Variants in USP7 observed in about 807,000 individuals in gnomAD.
USP7 encodes ubiquitin C-terminal hydrolase 7.
Under a neutral mutation model 162.9 loss-of-function variants are expected in USP7, and 9 were observed. That is an observed-to-expected ratio of 0.06 (90% CI 0.03 to 0.10). The LOEUF is 0.10. Among genes scored for constraint, USP7 ranks in the 10% least tolerant of loss-of-function variants. The probability of loss-of-function intolerance (pLI) is 1.00; values close to 1 mark genes in which losing one functional copy is unlikely to be tolerated. For missense variants in USP7, 715 were observed against 1,373.7 expected, an observed-to-expected ratio of 0.52 and a Z score of 7.58; for synonymous variants, 562 against 475.9, an observed-to-expected ratio of 1.18 and a Z score of -2.35.
At position 8,950,108 on chromosome 16, in the gene USP7, A is replaced by C. The variant is rs191173439; in HGVS notation, c.79+13099T>G. Among the ~76,000 whole-genome samples, 61 of 152,344 alleles carry C rather than the reference A, an allele frequency of 4.0e-4. 1 individual carries two copies. The highest frequency in any genetic ancestry group is 2.2e-3 in the Admixed American group (33 of 15,302). On this transcript the variant is annotated intron_variant, in intron 1 of 30. Transcript: ENST00000344836. Reference sequence around the variant, plus strand: ...ATCTTATTCAATTTAATTTTATTTAAATAGCCACATGTACTTATTGAGCAC... The same window carrying C: ...ATCTTATTCAATTTAATTTTATTTACATAGCCACATGTACTTATTGAGCAC...
chr16:8,894,056 T>G lies in USP7; in HGVS notation c.3251A>C (p.Lys1084Thr). 6.2e-7 allele frequency: 1 copy of G among 1,614,132 alleles called. No homozygotes were observed. The highest frequency in any genetic ancestry group is 1.1e-5 in the South Asian group (1 of 91,074). ...AGTGTAGCGACTCCTCTTTGGGGCT[T>G]TGTTGAAGTGGTCGAGCCCTAGCCA... The part of the protein sequence containing the change: ...RPWLGLDHFN[K>T]APKRSRYTYL... The change falls in exon 31 of 31, where the codon AAA (lysine) becomes ACA (threonine). Residue 1084 changes from lysine to threonine, a missense_variant. By Grantham distance (78) the Lys-to-Thr change is moderately conservative. Transcript: ENST00000344836.
chr16:8,948,358 AT>A (rs1211097861), intron 1 of USP7, among the ~76,000 whole-genome samples: 1 of 151,912 alleles, frequency 6.6e-6, no homozygotes, highest in African/African-American at 2.4e-5. Flanking sequence ...AATTTTTGGC[AT>A]TTTTTTGTAG....
chr16:8,901,871 CACGTGGCTG>C, intron 18 of USP7: 1 of 578,838 alleles, frequency 1.7e-6, no homozygotes, highest in Non-Finnish European at 3.1e-6. Context: ...AGGACGGCCC[CACGTGGCTG>C]CTACTGTCTC....
intron 12 of USP7, 101 bp downstream of exon 12, chr16:8,908,240 G>T: frequency 1.1e-6 from 1 of 934,896 alleles, no homozygotes; most frequent in Non-Finnish European, 1.7e-6. Flanking sequence ...AAATAAATCA[G>T]ATGTGGGACT....
At chr16:8,906,186 A>G (rs1226943909) in intron 13 of USP7, among the ~76,000 whole-genome samples, 2 of 152,252 alleles carry the variant, frequency 1.3e-5, no homozygotes, top group African/African-American at 4.8e-5. Context: ...TATGACATAT[A>G]AGGGATTCTG....
chr16:8,936,695 T>C (rs1291165374), intron 1 of USP7: 1 of 1,481,950 alleles, frequency 6.7e-7, no homozygotes, highest in African/African-American at 1.4e-5. Context: ...ATAGAATCTC[T>C]AGGAGCTCTA....
At chr16:8,900,432 C>T (rs953008661) in intron 21 of USP7, 98 bp downstream of exon 21, 20 of 839,512 alleles carry the variant, frequency 2.4e-5, no homozygotes, top group Non-Finnish European at 3.3e-5. Context: ...AAAACAAAAA[C>T]GTGGCTCGGG....
intron 1 of USP7, among the ~76,000 whole-genome samples, chr16:8,938,542 C>A (rs948441987): frequency 6.6e-6 from 1 of 151,986 alleles, no homozygotes; most frequent in Admixed American, 6.6e-5. Context: ...GAAACGCCGT[C>A]TCTACTGAAA....
At chr16:8,904,963 C>A (rs2061837112) in intron 14 of USP7, among the ~76,000 whole-genome samples, 1 of 152,068 alleles carries the variant, frequency 6.6e-6, no homozygotes, top group African/African-American at 2.4e-5. Flanking sequence ...GAGCAAGACT[C>A]CGTCTCAAAA....
chr16:8,904,321 C>G, intron 15 of USP7, 114 bp downstream of exon 15: 2 of 1,532,822 alleles, frequency 1.3e-6, no homozygotes, highest in Non-Finnish European at 1.8e-6. Flanking sequence ...GATGGATGCC[C>G]TGCTGCATGG....
chr16:8,921,104 G>T, intron 4 of USP7, 53 bp downstream of exon 4: 6 of 1,557,688 alleles, frequency 3.9e-6, no homozygotes, highest in South Asian at 1.2e-5. Context: ...AAAGTTAAGG[G>T]AACAACAAGC....
chr16:8,922,950 T>C (rs945421957), intron 3 of USP7, among the ~76,000 whole-genome samples: 1 of 152,352 alleles, frequency 6.6e-6, no homozygotes, highest in Admixed American at 6.5e-5. Context: ...GAATTAAGCC[T>C]GGTGGCTCAA....
At chr16:8,932,480 A>C (rs1898417047) in intron 1 of USP7, among the ~76,000 whole-genome samples, 3 of 152,200 alleles carry the variant, frequency 2.0e-5, no homozygotes. Flanking sequence ...TCATGTCTTG[A>C]CAGAAATACT....
At chr16:8,950,225 G>A (rs1180235334) in intron 1 of USP7, among the ~76,000 whole-genome samples, 3 of 152,050 alleles carry the variant, frequency 2.0e-5, no homozygotes, top group Non-Finnish European at 2.9e-5. Flanking sequence ...AGTGGACAGC[G>A]AAGGTCTAGA....
At chr16:8,963,124 G>A (rs1900088130) in intron 1 of USP7, 83 bp downstream of exon 1, 1 of 1,235,540 alleles carries the variant, frequency 8.1e-7, no homozygotes, top group Non-Finnish European at 1.0e-6. Context: ...AAGATGGCGA[G>A]CCCCTCGCGT....
intron 2 of USP7, among the ~76,000 whole-genome samples, chr16:8,926,155 A>C (rs1897977410): frequency 6.0e-5 from 1 of 16,652 alleles, no homozygotes; most frequent in Non-Finnish European, 1.5e-4. Context: ...CTCCGTCTCA[A>C]AAAAAAAAAA....
intron 15 of USP7, among the ~76,000 whole-genome samples, chr16:8,904,025 G>A (rs2061820539): frequency 6.6e-6 from 1 of 152,204 alleles, no homozygotes; most frequent in East Asian, 1.9e-4. Context: ...AACCTGACGT[G>A]CACTTAATCA....
At chr16:8,928,772 CGGGTCCTATGGCGT>C (rs1320868593) in intron 2 of USP7, among the ~76,000 whole-genome samples, 1 of 152,222 alleles carries the variant, frequency 6.6e-6, no homozygotes, top group Non-Finnish European at 1.5e-5. Context: ...TTTCCACTTT[CGGGTCCTATGGCGT>C]GGCACCACTG....
At chr16:8,902,291 T>C in intron 17 of USP7, 90 bp downstream of exon 17, 1 of 1,580,762 alleles carries the variant, frequency 6.3e-7, no homozygotes, top group Non-Finnish European at 8.6e-7. Flanking sequence ...TCTAGTTAAG[T>C]GGACCAAAAG....
Sources: allele counts gnomAD v4.1 joint callset (sites outside exome capture counted in the v4.1 genomes callset), GRCh38; gene constraint gnomAD v4.1.1; transcripts MANE v1.5; gene names NCBI Gene and HGNC (gene_info 2026-07-23, HGNC 2026-07-21).